LRP1B: variants seen among roughly 807,000 people sequenced by gnomAD.
LRP1B encodes low-density lipoprotein receptor-related protein 1B.
In LRP1B, 217 loss-of-function variants were observed where a neutral mutation model predicts 556.6. The ratio of observed to expected loss-of-function variants is 0.39; its 90% confidence interval spans 0.35 to 0.44. The LOEUF (loss-of-function observed/expected upper bound fraction) is 0.44. Ranked by LOEUF, LRP1B falls within the 20% of genes least tolerant of loss-of-function variation. The pLI, the probability that LRP1B is intolerant of heterozygous loss-of-function variation, is 1.00. For synonymous variants in LRP1B, 2,047 were observed against 1,865.8 expected, an observed-to-expected ratio of 1.10 and a Z score of -2.50; for missense variants, 5,053 against 5,620.8, an observed-to-expected ratio of 0.90 and a Z score of 3.23.
At chr2:141,794,467 T>C (rs188962972) in intron 2 of LRP1B, among the ~76,000 whole-genome samples, 61 of 152,036 alleles carry the variant, frequency 4.0e-4, no homozygotes, top group African/African-American at 1.4e-3. Flanking sequence ...CTCTAGTTCC[T>C]GGCAAAATCT....
At chr2:141,863,596 A>G (rs114881144) in intron 1 of LRP1B, among the ~76,000 whole-genome samples, 19 of 152,264 alleles carry the variant, frequency 1.2e-4, no homozygotes, top group Non-Finnish European at 2.6e-4. Flanking sequence ...GTGACAGGAG[A>G]TCAACAAATT....
chr2:140,519,968 GTGC>G (rs1209320030), intron 49 of LRP1B, among the ~76,000 whole-genome samples: 2 of 152,078 alleles, frequency 1.3e-5, no homozygotes, highest in African/African-American at 4.8e-5. Flanking sequence ...GAAACAACAG[GTGC>G]TGGAGAGGAT....
chr2:141,072,268 C>T (rs1462475937), intron 7 of LRP1B, among the ~76,000 whole-genome samples: 1 of 152,062 alleles, frequency 6.6e-6, no homozygotes, highest in Non-Finnish European at 1.5e-5. Context: ...ACTGACAGCA[C>T]CCATCCTTGA....
chr2:141,698,118 T>C (rs552637157), intron 2 of LRP1B, among the ~76,000 whole-genome samples: 39 of 151,920 alleles, frequency 2.6e-4, no homozygotes, highest in Non-Finnish European at 4.4e-4. Flanking sequence ...ATTCTTACTT[T>C]GTGCTTACAT....
chr2:141,074,501 C>T (rs1009625686), intron 7 of LRP1B, among the ~76,000 whole-genome samples: 7 of 151,326 alleles, frequency 4.6e-5, no homozygotes, highest in African/African-American at 1.5e-4. Context: ...TTGCTTGACT[C>T]AGTGTTATAT....
At chr2:141,145,733 G>A (rs887316264) in intron 7 of LRP1B, among the ~76,000 whole-genome samples, 4 of 151,288 alleles carry the variant, frequency 2.6e-5, no homozygotes, top group Non-Finnish European at 5.9e-5. Flanking sequence ...GGGTTTCATC[G>A]TGTTGGTCAG....
At chr2:140,626,796 AT>A (rs1683679640) in intron 41 of LRP1B, among the ~76,000 whole-genome samples, 1 of 151,746 alleles carries the variant, frequency 6.6e-6, no homozygotes, top group Non-Finnish European at 1.5e-5. Context: ...AATATATAAA[AT>A]ATATAAAGAT....
chr2:141,546,032 G>A (rs982230736), intron 2 of LRP1B, among the ~76,000 whole-genome samples: 3 of 152,122 alleles, frequency 2.0e-5, no homozygotes, highest in East Asian at 1.9e-4. Context: ...CAGTTTATCC[G>A]CATGGATCTT....
intron 1 of LRP1B, among the ~76,000 whole-genome samples, chr2:142,014,086 A>C (rs1427080243): frequency 6.6e-6 from 1 of 151,928 alleles, no homozygotes; most frequent in Non-Finnish European, 1.5e-5. Context: ...CCATATATAC[A>C]AGCATTGTAC....
chr2:142,044,515 G>T (rs1327083210), intron 1 of LRP1B, among the ~76,000 whole-genome samples: 1 of 151,752 alleles, frequency 6.6e-6, no homozygotes, highest in Admixed American at 6.6e-5. Flanking sequence ...GTCTGAGAAT[G>T]ATAAAACACT....
chr2:140,734,737 GA>G (rs1341690157), intron 35 of LRP1B, among the ~76,000 whole-genome samples: 1 of 107,508 alleles, frequency 9.3e-6, no homozygotes, highest in African/African-American at 3.5e-5. Flanking sequence ...CTCAGCTAAT[GA>G]CTGTGTGAAG....
At chr2:141,397,395 T>A (rs1690280103) in intron 3 of LRP1B, among the ~76,000 whole-genome samples, 1 of 151,812 alleles carries the variant, frequency 6.6e-6, no homozygotes, top group Non-Finnish European at 1.5e-5. Context: ...CATATCTATG[T>A]ATCCACCCTT....
intron 1 of LRP1B, among the ~76,000 whole-genome samples, chr2:141,862,175 A>T (rs1191551086): frequency 3.3e-5 from 5 of 152,132 alleles, no homozygotes; most frequent in Non-Finnish European, 5.9e-5. Flanking sequence ...CCTTAATATG[A>T]GAATACAAAT....
intron 2 of LRP1B, among the ~76,000 whole-genome samples, chr2:141,769,851 T>C (rs568760345): frequency 2.3e-4 from 34 of 148,190 alleles, no homozygotes; most frequent in African/African-American, 8.3e-4. Context: ...AGATGGAACC[T>C]TGAAAATTAC....
chr2:141,828,173 T>C (rs1696998474), intron 1 of LRP1B, among the ~76,000 whole-genome samples: 1 of 152,130 alleles, frequency 6.6e-6, no homozygotes, highest in South Asian at 2.1e-4. Flanking sequence ...ATATTTAATG[T>C]TTATTTGATC....
intron 5 of LRP1B, among the ~76,000 whole-genome samples, chr2:141,232,389 A>G (rs1370383568): frequency 6.6e-6 from 1 of 152,198 alleles, no homozygotes; most frequent in Non-Finnish European, 1.5e-5. Flanking sequence ...ATGACCCACT[A>G]TTGAAAGCAT....
chr2:141,785,632 C>T (rs912261782), intron 2 of LRP1B, among the ~76,000 whole-genome samples: 18 of 150,778 alleles, frequency 1.2e-4, no homozygotes, highest in Admixed American at 4.0e-4. Context: ...GTCCAAAAAA[C>T]GGAAAAGATA....
chr2:141,118,958 C>A (rs1922695), intron 7 of LRP1B, among the ~76,000 whole-genome samples: 147,177 of 151,896 alleles, frequency 0.97, 71,507 homozygotes, highest in East Asian at 1. Context: ...ATAGTTAAAA[C>A]AAAGAAAAAA....
At position 140,538,928 on chromosome 2, in the gene LRP1B, A is replaced by G. The variant is rs527263974; in HGVS notation, c.7513+2045T>C. The stretch of plus-strand genomic sequence containing the variant: ...GATAAATATGTTTTTTACATTATGC[A>G]AAAACAAACATTGTATGAATACAAT... On this transcript the variant is annotated intron_variant, in intron 45 of 90. Coordinates refer to ENST00000389484, the MANE Select transcript of LRP1B (RefSeq NM_018557.3). Among the ~76,000 whole-genome samples the G allele has an allele frequency of 7.2e-5, 11 of 152,284 alleles. No homozygotes were observed. The South Asian group carries it at 2.3e-3, about 32-fold the overall frequency.
Sources: gnomAD v4.1 joint callset for allele counts (sites outside exome capture counted in the v4.1 genomes callset) on GRCh38, gnomAD v4.1.1 for gene constraint, MANE v1.5 for transcripts, NCBI Gene and HGNC (gene_info 2026-07-23, HGNC 2026-07-21) for gene names.